Variants in PPFIBP2 observed in about 807,000 individuals in gnomAD.
The protein encoded by PPFIBP2 is PPFIB scaffold protein 2.
A neutral mutation model predicts 118.3 loss-of-function variants in PPFIBP2; 118 were observed. The ratio of observed to expected loss-of-function variants is 1.00; its 90% CI spans 0.86 to 1.16. PPFIBP2 has a LOEUF of 1.16. PPFIBP2 is among the 50% of genes most tolerant of loss of function. PPFIBP2 has a pLI of 0.00. For missense variants in PPFIBP2, 1,195 were observed against 1,073.1 expected (o/e 1.11, Z -1.59); for synonymous variants, 414 against 397.4 (o/e 1.04, Z -0.50).
intron 3 of PPFIBP2, among the ~76,000 whole-genome samples, chr11:7,584,564 C>G (rs1025318982): frequency 3.3e-5 from 5 of 152,152 alleles, no homozygotes; most frequent in African/African-American, 1.2e-4. Flanking sequence ...TGGGAATACT[C>G]AGGTTTATAA....
chr11:7,656,832 T>G, downstream of PPFIBP2: 1 of 1,287,944 alleles, frequency 7.8e-7, no homozygotes. Flanking sequence ...GGGAGGCATG[T>G]GTGGGGGCCC....
chr11:7,523,940 A>C (rs1465771991), intron 1 of PPFIBP2, among the ~76,000 whole-genome samples: 1 of 152,172 alleles, frequency 6.6e-6, no homozygotes, highest in African/African-American at 2.4e-5. Context: ...GCATGGTTGA[A>C]ATGCAGCCAT....
chr11:7,640,291 C>G (rs1851997629), intron 15 of PPFIBP2, among the ~76,000 whole-genome samples: 1 of 152,158 alleles, frequency 6.6e-6, no homozygotes, highest in East Asian at 1.9e-4. Context: ...ACCTTCTTCT[C>G]TGCAGCTTCC....
intron 1 of PPFIBP2, among the ~76,000 whole-genome samples, chr11:7,540,356 AAG>A (rs1156901906): frequency 6.6e-6 from 1 of 152,092 alleles, no homozygotes; most frequent in East Asian, 1.9e-4. Flanking sequence ...ACAGATCTGA[AAG>A]AGAGGGAGGA....
At chr11:7,624,503 A>C (rs1849730708) in intron 7 of PPFIBP2, among the ~76,000 whole-genome samples, 1 of 152,168 alleles carries the variant, frequency 6.6e-6, no homozygotes, top group South Asian at 2.1e-4. Context: ...GTCAGATATT[A>C]ACTTGGGCCT....
intron 1 of PPFIBP2, among the ~76,000 whole-genome samples, chr11:7,517,210 A>G (rs368240291): frequency 1.7e-4 from 26 of 152,262 alleles, no homozygotes; most frequent in African/African-American, 6.0e-4. Context: ...CCTAAATTAG[A>G]GAACTGTTGT....
chr11:7,628,740 A>G (rs1227361453), intron 9 of PPFIBP2, among the ~76,000 whole-genome samples: 1 of 152,254 alleles, frequency 6.6e-6, no homozygotes, highest in Non-Finnish European at 1.5e-5. Context: ...GCAGTGCCTC[A>G]GTTTACCCTG....
At chr11:7,664,626 G>C in the PPFIBP2 span, among the ~76,000 whole-genome samples, 2 of 152,128 alleles carry the variant, frequency 1.3e-5, no homozygotes, top group Non-Finnish European at 2.9e-5. Context: ...TCGGAGTTGG[G>C]GGCCCAGGGA....
intron 6 of PPFIBP2, among the ~76,000 whole-genome samples, chr11:7,617,543 G>A (rs188996260): frequency 6.6e-4 from 100 of 152,256 alleles, no homozygotes; most frequent in African/African-American, 2.4e-3. Flanking sequence ...TTAGGGCTGG[G>A]AATGAGGTGC....
chr11:7,666,518 A>T, the PPFIBP2 span: 1 of 1,613,572 alleles, frequency 6.2e-7, no homozygotes, highest in African/African-American at 1.3e-5. Context: ...CAATTTCTTC[A>T]AGCTCTTTTC....
At chr11:7,554,788 C>G (rs1361246891) in intron 2 of PPFIBP2, among the ~76,000 whole-genome samples, 2 of 151,034 alleles carry the variant, frequency 1.3e-5, no homozygotes, top group African/African-American at 4.9e-5. Context: ...TCCCAGGTGA[C>G]TAGACTAGAC....
chr11:7,641,690 G>C, intron 16 of PPFIBP2, 70 bp downstream of exon 16: 1 of 1,473,656 alleles, frequency 6.8e-7, no homozygotes, highest in Non-Finnish European at 9.4e-7. Flanking sequence ...AAGAGTCTAT[G>C]TAAGCCCCTG....
chr11:7,635,633 ACT>A, intron 14 of PPFIBP2, 40 bp downstream of exon 14: 1 of 1,557,080 alleles, frequency 6.4e-7, no homozygotes, highest in Non-Finnish European at 8.9e-7. Context: ...TTGTGGTTAC[ACT>A]GTTTGCTAGT....
chr11:7,540,518 A>T (rs1293454609), intron 1 of PPFIBP2, among the ~76,000 whole-genome samples: 1 of 152,058 alleles, frequency 6.6e-6, no homozygotes, highest in Non-Finnish European at 1.5e-5. Flanking sequence ...GAATATAGAG[A>T]GGGAGGTGGG....
intron 1 of PPFIBP2, among the ~76,000 whole-genome samples, chr11:7,544,532 T>C (rs138097289): frequency 6.6e-6 from 1 of 152,082 alleles, no homozygotes. Context: ...CCCAGCACTT[T>C]GGGAGGCCAA....
At position 7,653,532 on chromosome 11, in the gene PPFIBP2, G is replaced by T. The variant is rs887137036; in HGVS notation, c.*314G>T. The T allele has an allele frequency of 5.2e-6, 7 of 1,336,846 alleles. No individual in the cohort carries two copies. In the Admixed American group the frequency reaches 6.7e-5, roughly 13 times the overall value. The allele number at this position is 1,336,846 out of a possible 1,614,324, so 82.8% of individuals were successfully genotyped here. A position where few individuals can be genotyped will look rare whatever the true frequency, so the allele number is the denominator to read the frequency against. On this transcript the variant is annotated 3_prime_UTR_variant, in exon 24 of 24. Coordinates refer to ENST00000299492, the MANE Select transcript of PPFIBP2 (RefSeq NM_003621.5). ...GTGGAAACACATGAACTTCGATGCA[G>T]GTCCAGAGACCATGGACACTCCCAC...
At chr11:7,634,698 G>T in intron 13 of PPFIBP2, 146 bp downstream of exon 13, 2 of 680,514 alleles carry the variant, frequency 2.9e-6, no homozygotes, top group East Asian at 2.7e-5. Flanking sequence ...TGAACATTTT[G>T]AGAAAATTAA....
Position 7,653,721 on chromosome 11 carries a change from T to C in PPFIBP2, c.*503T>C. 3.2e-6 allele frequency: 4 copies of C among 1,236,430 alleles called. No homozygotes were observed. Among genetic ancestry groups the C allele is most frequent in the South Asian group, 1.4e-5 (1 of 73,126 alleles). 76.6% of individuals were successfully genotyped at this position (1,236,430 alleles called of 1,614,324 possible). ...TGTGCCTTACTTCAGAGGTGGTCTC[T>C]TCTTTCTTGTAATAAAAGCAATATT... On this transcript the variant is annotated 3_prime_UTR_variant, in exon 24 of 24. Transcript: ENST00000299492.
chr11:7,576,387 T>C (rs1856320696), intron 3 of PPFIBP2: 1 of 152,366 alleles, frequency 6.6e-6, no homozygotes, highest in Non-Finnish European at 1.5e-5. Flanking sequence ...AAGCTGTTTT[T>C]AGTGGGGAGC....
Sources: allele counts gnomAD v4.1 joint callset (sites outside exome capture counted in the v4.1 genomes callset), GRCh38; gene constraint gnomAD v4.1.1; transcripts MANE v1.5; gene names NCBI Gene and HGNC (gene_info 2026-07-23, HGNC 2026-07-21).